Variants in MFAP1 observed in about 807,000 individuals in gnomAD.
The protein encoded by MFAP1 is microfibril associated protein 1.
Under a neutral mutation model 62.2 loss-of-function variants are expected in MFAP1, and 18 were observed. The observed-to-expected ratio is 0.29, with a 90% CI of 0.20 to 0.43. The LOEUF (loss-of-function observed/expected upper bound fraction) is 0.43, where lower values mean the gene tolerates loss of function less well. MFAP1 is among the 20% of genes least tolerant of loss of function. The pLI is 1.00. For missense variants in MFAP1, 355 were observed against 559.7 expected (o/e 0.63, Z 3.69); for synonymous variants, 175 against 180.4 (o/e 0.97, Z 0.24).
chr15:43,810,704 G>A lies in MFAP1; in HGVS notation c.888-790C>T, dbSNP rs555961221. On this transcript the variant is annotated intron_variant, in intron 6 of 8. Transcript: ENST00000267812. The stretch of plus-strand genomic sequence containing the variant: ...CTTTTTAGCCAGTGTTGGGGAGAGG[G>A]AGTGATATCCCTTGTCTCCAAATAA... Among the ~76,000 whole-genome samples, 5 of 151,802 alleles carry A rather than the reference G, an allele frequency of 3.3e-5. No individual in the cohort carries two copies. The South Asian group carries it at 8.3e-4, about 25-fold the overall frequency.
At chr15:43,814,237 C>T (rs184459606) in intron 4 of MFAP1, among the ~76,000 whole-genome samples, 73 of 152,158 alleles carry the variant, frequency 4.8e-4, no homozygotes, top group East Asian at 3.9e-4. Context: ...GCAACAAGAG[C>T]GAAACTCTGT....
Position 43,809,612 on chromosome 15 carries a change from T to G in MFAP1, c.1047+143A>C, listed in dbSNP as rs1056007604. 1.1e-5 allele frequency: 10 copies of G among 949,594 alleles called. No homozygotes were observed. The Admixed American group carries it at 2.5e-4, about 24-fold the overall frequency. The allele number at this position is 949,594 out of a possible 1,614,324, so 58.8% of individuals were successfully genotyped here. On this transcript the variant is annotated intron_variant, in intron 7 of 8. Coordinates refer to ENST00000267812, the MANE Select transcript of MFAP1 (RefSeq NM_005926.3). The stretch of plus-strand genomic sequence containing the variant: ...CTGATGCTTTTCTCTGAGTTTATAT[T>G]GTTCAGAAGGAAAAAGCAAATGAGA...
intron 2 of MFAP1, among the ~76,000 whole-genome samples, chr15:43,816,567 T>C (rs1198223141): frequency 6.6e-6 from 1 of 152,164 alleles, no homozygotes; most frequent in East Asian, 1.9e-4. Context: ...AATCTTCAAG[T>C]GGCAAAGTTA....
In MFAP1 at chr15:43,804,558, C is replaced by T. The variant is rs2087349604; in HGVS notation, c.*536G>A. 6.6e-6 allele frequency: 1 copy of T among 152,178 alleles called. No individual in the cohort carries two copies. Among genetic ancestry groups the T allele is most frequent in the South Asian group, 2.1e-4 (1 of 4,828 alleles). The allele number at this position is 152,178 out of a possible 1,614,324, so 9.4% of individuals were successfully genotyped here. ...ACTTGTCAGCTTGGACATTTTATTTCCAGTATCATGCTAAAAATCTCCTTG... is the reference window on the plus strand; with the variant it reads ...ACTTGTCAGCTTGGACATTTTATTTTCAGTATCATGCTAAAAATCTCCTTG... On this transcript the variant is annotated 3_prime_UTR_variant, in exon 9 of 9. Coordinates refer to ENST00000267812, the MANE Select transcript of MFAP1 (RefSeq NM_005926.3).
chr15:43,804,886 AC>A lies in MFAP1; in HGVS notation c.*207del, dbSNP rs2087351823. 1 of 467,238 alleles carries A rather than the reference AC, an allele frequency of 2.1e-6. No homozygotes were observed. Among genetic ancestry groups the A allele is most frequent in the Non-Finnish European group, 3.7e-6 (1 of 267,172 alleles). The allele number at this position is 467,238 out of a possible 1,614,324, so 28.9% of individuals were successfully genotyped here. ...TTTTAAGTGGGAAGCCTCTAATCCTACCTGGACAGTGCTTTCCTGTGGGTTT... is the reference window on the plus strand; with the variant it reads ...TTTTAAGTGGGAAGCCTCTAATCCTACTGGACAGTGCTTTCCTGTGGGTTT... On this transcript the variant is annotated 3_prime_UTR_variant, in exon 9 of 9. Transcript: ENST00000267812.
intron 6 of MFAP1, among the ~76,000 whole-genome samples, chr15:43,810,603 G>A (rs977104051): frequency 1.3e-5 from 2 of 152,048 alleles, no homozygotes; most frequent in Non-Finnish European, 2.9e-5. Context: ...TCCTGACCTC[G>A]TGATCCGCCC....
At chr15:43,823,201 G>C (rs977703914) in intron 1 of MFAP1, among the ~76,000 whole-genome samples, 1 of 151,358 alleles carries the variant, frequency 6.6e-6, no homozygotes, top group Non-Finnish European at 1.5e-5. Flanking sequence ...GCCCAAGCTG[G>C]TCTTGAACTC....
At chr15:43,819,066 CTT>C (rs1293433852) in intron 1 of MFAP1, among the ~76,000 whole-genome samples, 1 of 152,164 alleles carries the variant, frequency 6.6e-6, no homozygotes, top group Non-Finnish European at 1.5e-5. Flanking sequence ...GTGGCACAGA[CTT>C]TTTAATCCAA....
intron 7 of MFAP1, among the ~76,000 whole-genome samples, chr15:43,806,575 A>G (rs2087367101): frequency 6.6e-6 from 1 of 152,214 alleles, no homozygotes; most frequent in Admixed American, 6.5e-5. Context: ...GTTGTCTATT[A>G]AATGAATACA....
Position 43,810,897 on chromosome 15 carries a change from C to T in MFAP1, c.888-983G>A, listed in dbSNP as rs556919949. Among the ~76,000 whole-genome samples, 4 of 152,020 alleles carry T rather than the reference C, an allele frequency of 2.6e-5. No individual in the cohort carries two copies. In the East Asian group the frequency reaches 7.8e-4, roughly 30 times the overall value. ...TCAGCCTCCTGAGTAGCTGGGATTA[C>T]AGGTGTGTGCCACCATGCCCGACTA... is the stretch of plus-strand genomic sequence containing the variant. On this transcript the variant is annotated intron_variant, in intron 6 of 8. Coordinates refer to ENST00000267812, the MANE Select transcript of MFAP1 (RefSeq NM_005926.3).
chr15:43,807,176 C>T (rs1432172070), intron 7 of MFAP1, among the ~76,000 whole-genome samples: 2 of 151,652 alleles, frequency 1.3e-5, no homozygotes, highest in Non-Finnish European at 2.9e-5. Flanking sequence ...CATGGAGAAA[C>T]CCCGTCTCTA....
intron 5 of MFAP1, 41 bp downstream of exon 5, chr15:43,813,208 A>G (rs759205368): frequency 6.8e-6 from 11 of 1,613,968 alleles, no homozygotes; most frequent in Non-Finnish European, 8.5e-6. Context: ...ACCTGATTAC[A>G]CTATTTCTTG....
intron 1 of MFAP1, among the ~76,000 whole-genome samples, chr15:43,819,332 G>A (rs1406773180): frequency 6.6e-6 from 1 of 152,094 alleles, no homozygotes; most frequent in Non-Finnish European, 1.5e-5. Flanking sequence ...GGTAGAGAAA[G>A]GGTCTTGCTA....
chr15:43,812,806 C>A (rs1470804731), intron 6 of MFAP1, among the ~76,000 whole-genome samples, 181 bp downstream of exon 6: 2 of 152,182 alleles, frequency 1.3e-5, no homozygotes, highest in African/African-American at 4.8e-5. Flanking sequence ...AAGTGTTTTT[C>A]TCTTCCCTGA....
intron 1 of MFAP1, 36 bp from the exon 2 acceptor site, chr15:43,817,484 C>G (rs1181017208): frequency 1.9e-6 from 3 of 1,608,234 alleles, no homozygotes; most frequent in Non-Finnish European, 2.6e-6. Flanking sequence ...TCAGTAGCCT[C>G]TTTCTCAATG....
intron 1 of MFAP1, 120 bp from the exon 2 acceptor site, chr15:43,817,568 A>G: frequency 1.0e-6 from 1 of 966,016 alleles, no homozygotes; most frequent in African/African-American, 1.6e-5. Context: ...CAGAAGAAGA[A>G]GAGAGCCACT....
chr15:43,824,657 C>T lies in MFAP1; in HGVS notation c.-88G>A. 1 of 1,368,996 alleles carries T rather than the reference C, an allele frequency of 7.3e-7. No individual in the cohort carries two copies. The highest frequency in any genetic ancestry group is 1.0e-6 in the Non-Finnish European group (1 of 964,006). 84.8% of individuals were successfully genotyped at this position (1,368,996 alleles called of 1,614,324 possible). A position where few individuals can be genotyped will look rare whatever the true frequency, so the allele number is the denominator to read the frequency against. ...GTCAACGAAGAGAAGAAATTCCTTC[C>T]ACCTGAGTCCGCGAACACAGCTGCG... On this transcript the variant is annotated 5_prime_UTR_variant, in exon 1 of 9. Coordinates refer to ENST00000267812, the MANE Select transcript of MFAP1 (RefSeq NM_005926.3).
Position 43,813,055 on chromosome 15 carries a change from C to G in MFAP1, c.819G>C (p.Glu273Asp). 1 of 1,614,188 alleles carries G rather than the reference C, an allele frequency of 6.2e-7. No homozygotes were observed. The highest frequency in any genetic ancestry group is 8.5e-7 in the Non-Finnish European group (1 of 1,180,044). The change falls in exon 6 of 9, where the codon GAG becomes GAC. Residue 273 changes from glutamate (E) to aspartate (D), a missense_variant. Physicochemically the swap from Glu to Asp is conservative, Grantham distance 45. Transcript: ENST00000267812. Reference protein sequence around the residue: ...DALNTDDENDEEEYEAWKVRE... With the variant: ...DALNTDDENDDEEYEAWKVRE... ...GAACTTTCCATGCCTCATATTCCTC[C>G]TCATCATTTTCATCATCAGTATTGA...
At chr15:43,822,535 G>A (rs910912157) in intron 1 of MFAP1, among the ~76,000 whole-genome samples, 4 of 151,936 alleles carry the variant, frequency 2.6e-5, no homozygotes, top group South Asian at 2.1e-4. Flanking sequence ...CATCACACCC[G>A]GCTAATTTTT....
Sources: gnomAD v4.1 joint callset for allele counts (sites outside exome capture counted in the v4.1 genomes callset) on GRCh38, gnomAD v4.1.1 for gene constraint, MANE v1.5 for transcripts, NCBI Gene and HGNC (gene_info 2026-07-23, HGNC 2026-07-21) for gene names.